The following RSF1 variants were observed in gnomAD, a reference collection of about 807,000 sequenced individuals.
RSF1 encodes the protein remodeling and spacing factor 1, also known as HBV pX-associated protein 8.
RSF1 carries 13 observed loss-of-function variants against 145.2 expected under a neutral mutation model. The observed-to-expected ratio is 0.09, with a 90% CI of 0.06 to 0.14. The LOEUF (loss-of-function observed/expected upper bound fraction) is 0.14, where lower values mean the gene tolerates loss of function less well. RSF1 is among the 10% of genes least tolerant of loss of function. The pLI is 1.00. For synonymous variants in RSF1, 577 were observed against 592.6 expected (o/e 0.97, Z 0.38); for missense variants, 1,517 against 1,718.2 (o/e 0.88, Z 2.07).
chr11:77,737,621 GGTGTGTGTGTGTGTGTGTGTGT>G (rs1170824350), intron 4 of RSF1, among the ~76,000 whole-genome samples: 32 of 93,546 alleles, frequency 3.4e-4, no homozygotes, highest in African/African-American at 1.2e-3. Flanking sequence ...TGTTTTGGGG[GGTGTGTGTGTGTGTGTGTGTGT>G]GTGTGTGTGT....
chr11:77,855,720 C>CT, the RSF1 span, among the ~76,000 whole-genome samples: 114,709 of 127,854 alleles, frequency 0.9, 51,708 homozygotes, highest in East Asian at 0.97. Context: ...AGTTTTATGT[C>CT]TTTTTTTTTT....
chr11:77,788,268 A>C (rs993216101), intron 1 of RSF1, among the ~76,000 whole-genome samples: 1 of 150,654 alleles, frequency 6.6e-6, no homozygotes, highest in Non-Finnish European at 1.5e-5. Context: ...AAAACAACAA[A>C]AAAAATCAAA....
At chr11:77,766,537 A>T (rs1948228018) in intron 1 of RSF1, among the ~76,000 whole-genome samples, 1 of 152,184 alleles carries the variant, frequency 6.6e-6, no homozygotes, top group Non-Finnish European at 1.5e-5. Flanking sequence ...GTGTTCAAAG[A>T]CAAGTAAATA....
At chr11:77,713,461 T>G (rs1960733341) in intron 5 of RSF1, among the ~76,000 whole-genome samples, 1 of 152,224 alleles carries the variant, frequency 6.6e-6, no homozygotes, top group African/African-American at 2.4e-5. Context: ...TCTTTTTGTC[T>G]GGATACGCAA....
chr11:77,756,934 A>G (rs1372199696), intron 2 of RSF1, among the ~76,000 whole-genome samples: 5 of 152,206 alleles, frequency 3.3e-5, no homozygotes, highest in Admixed American at 2.0e-4. Flanking sequence ...AATAATTATC[A>G]GGGGAAAAGC....
In RSF1 at chr11:77,759,530, A is replaced by G. The variant is rs550611870; in HGVS notation, c.279+5068T>C. On this transcript the variant is annotated intron_variant, in intron 2 of 15. Coordinates refer to ENST00000308488, the MANE Select transcript of RSF1 (RefSeq NM_016578.4). ...GAAACCCCGTCTTTACTAAAAATAC[A>G]AAAATTAGCCAGGCATGGTGGCGTG... Among the ~76,000 whole-genome samples the G allele has an allele frequency of 1.2e-4, 19 of 152,232 alleles. No individual in the cohort carries two copies. The South Asian group carries it at 1.7e-3, about 13-fold the overall frequency.
At chr11:77,813,185 G>T (rs1349634670) in intron 1 of RSF1, 2 of 403,470 alleles carry the variant, frequency 5.0e-6, no homozygotes, top group African/African-American at 4.0e-5. Flanking sequence ...TATTTGATAA[G>T]TATTTTTAAA....
At chr11:77,775,962 C>T (rs1565176856) in intron 1 of RSF1, among the ~76,000 whole-genome samples, 1 of 152,128 alleles carries the variant, frequency 6.6e-6, no homozygotes, top group Non-Finnish European at 1.5e-5. Flanking sequence ...TCTGTAGAGT[C>T]CAGGTTTCCT....
In RSF1 at chr11:77,701,621, T is replaced by C. The variant is rs1354301249; in HGVS notation, c.1608A>G (p.Glu536=). The C allele has an allele frequency of 3.7e-6, 6 of 1,614,114 alleles. No individual in the cohort carries two copies. Among genetic ancestry groups the C allele is most frequent in the Non-Finnish European group, 5.1e-6 (6 of 1,180,002 alleles). The change falls in exon 6 of 16, where the codon GAA becomes GAG. Residue 536 remains glutamate, a synonymous_variant. Transcript: ENST00000308488. ...KAQIEEPDPP[E]METSLDSSEM... is the part of the protein sequence containing the mutation. Reference sequence around the variant, plus strand: ...CAGAAGAATCAAGAGAAGTTTCCATTTCTGGAGGATCGGGTTCCTCTATTT... The same window carrying C: ...CAGAAGAATCAAGAGAAGTTTCCATCTCTGGAGGATCGGGTTCCTCTATTT...
chr11:77,736,616 A>C (rs1043396574), intron 4 of RSF1, among the ~76,000 whole-genome samples: 2 of 152,246 alleles, frequency 1.3e-5, no homozygotes, highest in Non-Finnish European at 2.9e-5. Context: ...ACAGTTTACT[A>C]TATTTGTCAG....
chr11:77,681,336 ATGAC>A (rs946837176), intron 11 of RSF1, among the ~76,000 whole-genome samples: 3 of 152,230 alleles, frequency 2.0e-5, no homozygotes, highest in African/African-American at 4.8e-5. Context: ...TAGTTCCAAA[ATGAC>A]TGACATATTA....
At chr11:77,832,995 GTGTATA>G in the RSF1 span, among the ~76,000 whole-genome samples, 2 of 74,740 alleles carry the variant, frequency 2.7e-5, no homozygotes, top group Non-Finnish European at 4.8e-5. Flanking sequence ...GTGTGTGTGT[GTGTATA>G]TATATATATT....
At chr11:77,831,235 C>T in the RSF1 span, among the ~76,000 whole-genome samples, 20 of 152,164 alleles carry the variant, frequency 1.3e-4, no homozygotes, top group Non-Finnish European at 2.4e-4. Context: ...AAGCAGAACC[C>T]TCATCACTGC....
the RSF1 span, chr11:77,850,855 G>A: frequency 6.6e-6 from 1 of 151,212 alleles, no homozygotes; most frequent in South Asian, 2.1e-4. Context: ...TCACAGATAC[G>A]ACATTTCAGT....
chr11:77,864,319 C>T, the RSF1 span, among the ~76,000 whole-genome samples: 1 of 150,922 alleles, frequency 6.6e-6, no homozygotes, highest in Non-Finnish European at 1.5e-5. Context: ...TGGCACATGC[C>T]TGTAATCCCA....
At chr11:77,723,645 G>A (rs954483879) in intron 5 of RSF1, among the ~76,000 whole-genome samples, 38 of 152,112 alleles carry the variant, frequency 2.5e-4, no homozygotes, top group African/African-American at 8.9e-4. Flanking sequence ...TTAATACATA[G>A]GAACATTATT....
chr11:77,723,768 T>C (rs557809824), intron 5 of RSF1, among the ~76,000 whole-genome samples: 1 of 152,378 alleles, frequency 6.6e-6, no homozygotes, highest in East Asian at 1.9e-4. Context: ...ACATTATTTT[T>C]AGGTTCTAAT....
chr11:77,790,788 C>G (rs1230233312), intron 1 of RSF1, among the ~76,000 whole-genome samples: 1 of 152,180 alleles, frequency 6.6e-6, no homozygotes, highest in Non-Finnish European at 1.5e-5. Flanking sequence ...TCCAGTGACT[C>G]CAGGTCTCAT....
At chr11:77,734,132 G>A (rs1334452529) in intron 4 of RSF1, among the ~76,000 whole-genome samples, 1 of 152,044 alleles carries the variant, frequency 6.6e-6, no homozygotes, top group African/African-American at 2.4e-5. Flanking sequence ...ATTTTTATAG[G>A]TCAAAATGTT....
Sources: gnomAD v4.1 joint callset for allele counts (sites outside exome capture counted in the v4.1 genomes callset) on GRCh38, gnomAD v4.1.1 for gene constraint, MANE v1.5 for transcripts, NCBI Gene and HGNC (gene_info 2026-07-23, HGNC 2026-07-21) for gene names.